The following MDGA1 variants were observed in gnomAD, a reference collection of about 807,000 sequenced individuals.
The protein encoded by MDGA1 is MAM domain-containing glycosylphosphatidylinositol anchor protein 1.
Under a neutral mutation model 101.5 loss-of-function variants are expected in MDGA1, and 54 were observed. That is an observed-to-expected ratio of 0.53 (90% CI 0.43 to 0.67). MDGA1 has a LOEUF of 0.67. Ranked by LOEUF, MDGA1 falls within the 30% of genes least tolerant of loss-of-function variation. The probability of loss-of-function intolerance (pLI) is 0.00; values close to 1 mark genes in which losing one functional copy is unlikely to be tolerated. For synonymous variants in MDGA1, 533 were observed against 558.3 expected (o/e 0.95, Z 0.64); for missense variants, 1,083 against 1,323.8 (o/e 0.82, Z 2.82).
In MDGA1 at chr6:37,637,146, C is replaced by T. The variant is rs916153482; in HGVS notation, c.*222G>A. On this transcript the variant is annotated 3_prime_UTR_variant, in exon 17 of 17. Transcript: ENST00000434837. Reference sequence around the variant, plus strand: ...TTTAATATATCTCTGTGTGTGTGAGCATGAGTGTGTGCGTGTGTGCAAGTG... The same window carrying T: ...TTTAATATATCTCTGTGTGTGTGAGTATGAGTGTGTGCGTGTGTGCAAGTG... The T allele has an allele frequency of 9.6e-6, 5 of 519,066 alleles. No homozygotes were observed. The Admixed American group carries it at 1.0e-4, about 11-fold the overall frequency. 32.2% of individuals were successfully genotyped at this position (519,066 alleles called of 1,614,324 possible).
intron 1 of MDGA1, among the ~76,000 whole-genome samples, chr6:37,666,655 A>C (rs1761761143): frequency 6.6e-6 from 1 of 152,246 alleles, no homozygotes. Context: ...TGGGATCCCC[A>C]GCACAAGGCC....
intron 6 of MDGA1, among the ~76,000 whole-genome samples, chr6:37,654,008 C>T (rs1761425517): frequency 6.6e-6 from 1 of 152,174 alleles, no homozygotes. Context: ...AATCCTAGCC[C>T]TTCCTACTTC....
chr6:37,668,811 G>A (rs1163591786), intron 1 of MDGA1, among the ~76,000 whole-genome samples: 1 of 152,084 alleles, frequency 6.6e-6, no homozygotes, highest in Non-Finnish European at 1.5e-5. Flanking sequence ...TGCTGGGAAG[G>A]GCACAAGAGA....
At chr6:37,637,832 G>A in intron 16 of MDGA1, 1 of 528,442 alleles carries the variant, frequency 1.9e-6, no homozygotes, top group South Asian at 3.4e-5. Context: ...GCCTTGCCTG[G>A]TACAGAGTAA....
chr6:37,658,101 G>C, intron 3 of MDGA1, 144 bp downstream of exon 3: 3 of 886,056 alleles, frequency 3.4e-6, no homozygotes, highest in Admixed American at 6.4e-5. Context: ...GGTACACACC[G>C]CCTGGTACCT....
intron 1 of MDGA1, among the ~76,000 whole-genome samples, chr6:37,688,164 A>G (rs1762236975): frequency 6.6e-6 from 1 of 152,272 alleles, no homozygotes; most frequent in East Asian, 1.9e-4. Context: ...GGAAGAAGAC[A>G]TCTGTTTTGG....
chr6:37,672,372 C>A (rs994625997), intron 1 of MDGA1, among the ~76,000 whole-genome samples: 43 of 151,662 alleles, frequency 2.8e-4, no homozygotes, highest in African/African-American at 8.5e-4. Context: ...CTCAGGAGAT[C>A]GAGGCTGCAG....
rs1761543398 is a variant in MDGA1 at position 37,658,420 on chromosome 6, C to G, written c.208-1G>C. On this transcript the variant is annotated splice_acceptor_variant, in intron 2 of 16. Coordinates refer to ENST00000434837, the MANE Select transcript of MDGA1 (RefSeq NM_153487.4). LOFTEE classifies it high-confidence loss of function. ...TACCTGCCGTCTTGGTCCACCGTAC[C>G]TGGGCCGCCAGGCGGGGCAGAGTCA... is the stretch of plus-strand genomic sequence containing the variant. The G allele has an allele frequency of 1.9e-6, 3 of 1,604,352 alleles. No individual in the cohort carries two copies. The highest frequency in any genetic ancestry group is 2.7e-5 in the African/African-American group (2 of 74,852).
chr6:37,652,229 T>C lies in MDGA1; in HGVS notation c.1094A>G (p.Glu365Gly), dbSNP rs749502504. The C allele has an allele frequency of 3.1e-6, 5 of 1,613,922 alleles. No homozygotes were observed. In the Admixed American group the frequency reaches 8.3e-5, roughly 27 times the overall value. The change falls in exon 7 of 17, where the codon GAG becomes GGG. Residue 365 changes from glutamate to glycine, a missense_variant. This residue lies in a region of MDGA1 where 116 missense variants were observed against 196.6 expected (regional missense o/e 0.59). Transcript: ENST00000434837. This position sits in a 1 kb window ranked among gnomAD's most constrained non-coding sequence, Gnocchi z 4.3. ...CTTGAACCACTGGTAGGTCACCTTC[T>C]CCTGGGGCACTGCATCCACGTGGCA... ...LSCHVDAVPQ[E>G]KVTYQWFKNG...
chr6:37,693,470 T>A (rs1212308724), intron 1 of MDGA1, among the ~76,000 whole-genome samples: 2 of 152,264 alleles, frequency 1.3e-5, no homozygotes, highest in Non-Finnish European at 2.9e-5. Flanking sequence ...CTTCCACCAG[T>A]AAGTTGCAAA....
intron 1 of MDGA1, among the ~76,000 whole-genome samples, chr6:37,692,215 G>A (rs971288158): frequency 2.0e-5 from 3 of 152,144 alleles, no homozygotes; most frequent in African/African-American, 7.2e-5. Flanking sequence ...TGGAACGGCA[G>A]CAGCTGCCGC....
intron 2 of MDGA1, 97 bp downstream of exon 2, chr6:37,663,870 A>C: frequency 7.3e-7 from 1 of 1,372,000 alleles, no homozygotes; most frequent in East Asian, 2.4e-5. Context: ...GCTGCGGTGC[A>C]TCGTGAGTCC....
chr6:37,644,362 C>T, intron 13 of MDGA1, 135 bp downstream of exon 13: 2 of 1,012,698 alleles, frequency 2.0e-6, no homozygotes, highest in East Asian at 2.9e-5. Flanking sequence ...TCCCCTCAGA[C>T]CAGAGCTCCC....
intron 1 of MDGA1, among the ~76,000 whole-genome samples, chr6:37,688,057 G>GT (rs1372421125): frequency 6.6e-6 from 1 of 152,128 alleles, no homozygotes; most frequent in Non-Finnish European, 1.5e-5. Flanking sequence ...AGTGGATTTT[G>GT]TTTTTTTCCC....
intron 1 of MDGA1, among the ~76,000 whole-genome samples, chr6:37,670,961 G>T (rs1761856443): frequency 6.6e-6 from 1 of 152,174 alleles, no homozygotes; most frequent in Non-Finnish European, 1.5e-5. Context: ...GAATTTCAGA[G>T]GCATGGCTGG....
intron 9 of MDGA1, among the ~76,000 whole-genome samples, chr6:37,647,946 T>C (rs534058140): frequency 6.6e-6 from 1 of 152,252 alleles, no homozygotes; most frequent in Admixed American, 6.5e-5. Flanking sequence ...GAAAGCTGTG[T>C]ATGCCACTGA....
intron 1 of MDGA1, among the ~76,000 whole-genome samples, chr6:37,673,365 T>C (rs1761910432): frequency 6.6e-6 from 1 of 152,258 alleles, no homozygotes; most frequent in Admixed American, 6.5e-5. Context: ...TTTATGCATG[T>C]AATGCAAATG....
chr6:37,685,395 G>A (rs189073586), intron 1 of MDGA1, among the ~76,000 whole-genome samples: 12 of 152,284 alleles, frequency 7.9e-5, no homozygotes, highest in Admixed American at 5.9e-4. Context: ...TTTCTGATAA[G>A]TTGTTACAGA....
intron 1 of MDGA1, among the ~76,000 whole-genome samples, chr6:37,672,902 G>T (rs572482014): frequency 6.9e-6 from 1 of 145,654 alleles, no homozygotes; most frequent in South Asian, 2.2e-4. Context: ...AGCAGGGAGG[G>T]ATTGCTGTGA....
Sources: gnomAD v4.1 joint callset for allele counts (sites outside exome capture counted in the v4.1 genomes callset) on GRCh38, gnomAD v4.1.1 for gene constraint, gnomAD v4.1.1 regional missense constraint, Gnocchi (gnomAD v3.1) non-coding constraint, MANE v1.5 for transcripts, NCBI Gene and HGNC (gene_info 2026-07-23, HGNC 2026-07-21) for gene names.